Variants in PLBD1 observed in about 807,000 individuals in gnomAD.
PLBD1 encodes lysosomal leucine aminopeptidase.
Under a neutral mutation model 63.0 loss-of-function variants are expected in PLBD1, and 60 were observed. That is an observed-to-expected ratio of 0.95 (90% confidence interval 0.77 to 1.18). PLBD1 has a LOEUF of 1.18. Among genes scored for constraint, PLBD1 ranks in the 50% most tolerant of loss-of-function variants. PLBD1 has a pLI of 0.00. For synonymous variants in PLBD1, 262 were observed against 248.0 expected, an observed-to-expected ratio of 1.06 and a Z score of -0.53; for missense variants, 598 against 677.9, an observed-to-expected ratio of 0.88 and a Z score of 1.31.
chr12:14,540,043 T>C (rs1389261374), intron 4 of PLBD1, among the ~76,000 whole-genome samples: 73 of 59,542 alleles, frequency 1.2e-3, no homozygotes, highest in African/African-American at 3.5e-3. Context: ...TATATATATA[T>C]ATATATATAT....
intron 10 of PLBD1, among the ~76,000 whole-genome samples, chr12:14,505,169 C>G (rs1945243633): frequency 6.7e-6 from 1 of 148,584 alleles, no homozygotes; most frequent in Admixed American, 6.7e-5. Flanking sequence ...TTGCCTTCAT[C>G]ACATAGCTAA....
intron 6 of PLBD1, 83 bp from the exon 7 acceptor site, chr12:14,511,794 A>G (rs1171946026): frequency 2.2e-6 from 3 of 1,341,550 alleles, no homozygotes. Flanking sequence ...CTTTACATAC[A>G]CAATGCATTT....
At chr12:14,530,738 C>A in intron 6 of PLBD1, among the ~76,000 whole-genome samples, 1 of 152,334 alleles carries the variant, frequency 6.6e-6, no homozygotes, top group East Asian at 1.9e-4. Flanking sequence ...ATTGTATTGG[C>A]TGCCATTTCA....
rs369943757 is a variant in PLBD1 at position 14,535,706 on chromosome 12, A to G, written c.797T>C (p.Ile266Thr). 1 of 1,613,948 alleles carries G rather than the reference A, an allele frequency of 6.2e-7. No individual in the cohort carries two copies. Among genetic ancestry groups the G allele is most frequent in the Non-Finnish European group, 8.5e-7 (1 of 1,179,842 alleles). The change falls in exon 6 of 11, where the codon ATA becomes ACA. Residue 266 changes from isoleucine (I) to threonine (T), a missense_variant. By Grantham distance (89) the Ile-to-Thr change is moderately conservative. Transcript: ENST00000240617. ...GCGACTACTGCTGGTATCTTTATCT[A>G]TGACGTTGAAGTCCCAGTGTTTATA... ...RIYKHWDFNV[I>T]DKDTSSSRLS...
intron 6 of PLBD1, among the ~76,000 whole-genome samples, chr12:14,530,623 A>G (rs1285495135): frequency 6.6e-6 from 1 of 152,254 alleles, no homozygotes; most frequent in Non-Finnish European, 1.5e-5. Flanking sequence ...ACTGAAATAA[A>G]CAAATAGATT....
chr12:14,503,860 A>C lies in PLBD1; in HGVS notation c.1574T>G (p.Phe525Cys). 6.2e-7 allele frequency: 1 copy of C among 1,614,002 alleles called. No homozygotes were observed. Among genetic ancestry groups the C allele is most frequent in the Non-Finnish European group, 8.5e-7 (1 of 1,179,896 alleles). The change falls in exon 11 of 11, where the codon TTC becomes TGC. Residue 525 changes from phenylalanine to cysteine, a missense_variant. Transcript: ENST00000240617. ...GGLPVFRWDR[F>C]NKTLHQGMPE... ...CATGCCCTGATGTAGAGTTTTGTTGAAACGGTCCCAGCGAAAAACAGGGAG... is the reference window on the plus strand; with the variant it reads ...CATGCCCTGATGTAGAGTTTTGTTGCAACGGTCCCAGCGAAAAACAGGGAG...
chr12:14,511,378 C>G lies in PLBD1; in HGVS notation c.1068G>C (p.Met356Ile), dbSNP rs967347195. Residue 356 changes from methionine to isoleucine, a missense_variant, in exon 8 of 11, where the codon ATG (methionine) becomes ATC (isoleucine). By Grantham distance (10) the Met-to-Ile change is conservative. Transcript: ENST00000240617. ...YNSGTYNNQYMVLDLKKVKLN... is the reference protein window; with the variant it reads ...YNSGTYNNQYIVLDLKKVKLN... Reference sequence around the variant, plus strand: ...GCTTTACTTTCTTCAGGTCCAGAACCATGTATTGATTGTTATAGGTGCCTG... The same window carrying G: ...GCTTTACTTTCTTCAGGTCCAGAACGATGTATTGATTGTTATAGGTGCCTG... 1.2e-6 allele frequency: 2 copies of G among 1,613,706 alleles called. No homozygotes were observed.
At position 14,520,241 on chromosome 12, in the gene PLBD1, TAGGGGAAACCTTAGGATC is replaced by T. The variant is rs572043261; in HGVS notation, c.845-8548_845-8531del. ...AGAGCTGGAAAAGCAAATGGGAATA[TAGGGGAAACCTTAGGATC>T]AAGGAAATCACAAAGAGAGTTAGCT... On this transcript the variant is annotated intron_variant, in intron 6 of 10. Coordinates refer to ENST00000240617, the MANE Select transcript of PLBD1 (RefSeq NM_024829.6). 1.8e-3 allele frequency among the ~76,000 whole-genome samples: 276 copies of T among 152,300 alleles called. 5 individuals are homozygous for T. In the East Asian group the frequency reaches 0.033, roughly 18 times the overall value.
intron 6 of PLBD1, among the ~76,000 whole-genome samples, chr12:14,515,577 A>G (rs991893920): frequency 1.3e-5 from 2 of 152,114 alleles, no homozygotes; most frequent in African/African-American, 4.8e-5. Context: ...CAGCTTTATG[A>G]CCAAAGTACC....
At chr12:14,547,180 T>TTGTGTGTGTGTGTG (rs56182227) in intron 2 of PLBD1, among the ~76,000 whole-genome samples, 84 of 138,218 alleles carry the variant, frequency 6.1e-4, no homozygotes, top group East Asian at 1.8e-3. Flanking sequence ...GCACCTGGCT[T>TTGTGTGTGTGTGTG]TGTGTGTGTG....
At chr12:14,520,880 C>A (rs1945369611) in intron 6 of PLBD1, among the ~76,000 whole-genome samples, 2 of 152,162 alleles carry the variant, frequency 1.3e-5, no homozygotes, top group African/African-American at 4.8e-5. Flanking sequence ...TTCTAGGGAG[C>A]TGCCTGGCAT....
In PLBD1 at chr12:14,550,878, C is replaced by CA. The variant is rs778500118; in HGVS notation, c.335+2314dup. Reference sequence around the variant, plus strand: ...GGGCAGCAAGAGTGAAACTCCGTCTCAAAAAAAAAAAAAAATTATTTGAAT... The same window carrying CA: ...GGGCAGCAAGAGTGAAACTCCGTCTCAAAAAAAAAAAAAAAATTATTTGAAT... On this transcript the variant is annotated intron_variant, in intron 2 of 10. Transcript: ENST00000240617. Among the ~76,000 whole-genome samples, 928 of 115,094 alleles carry CA rather than the reference C, an allele frequency of 8.1e-3. 3 individuals are homozygous for CA. The highest frequency in any genetic ancestry group is 0.023 in the African/African-American group (725 of 31,398). The allele number at this position is 115,094 out of a possible 152,430, so 75.5% of individuals were successfully genotyped here.
chr12:14,525,794 A>G (rs1463434110), intron 6 of PLBD1, among the ~76,000 whole-genome samples: 2 of 152,188 alleles, frequency 1.3e-5, no homozygotes, highest in Non-Finnish European at 2.9e-5. Flanking sequence ...TGGTGTATTT[A>G]TAACATATAT....
intron 8 of PLBD1, among the ~76,000 whole-genome samples, chr12:14,508,804 T>G (rs1478017250): frequency 6.6e-6 from 1 of 152,108 alleles, no homozygotes; most frequent in Non-Finnish European, 1.5e-5. Context: ...GCTTGTTTAA[T>G]CTCACAAAAA....
intron 1 of PLBD1, chr12:14,553,918 AC>A (rs1945680523): frequency 6.0e-6 from 1 of 166,926 alleles, no homozygotes; most frequent in East Asian, 1.7e-4. Context: ...AGCCAAATCA[AC>A]CCTGGTGGTC....
intron 6 of PLBD1, among the ~76,000 whole-genome samples, chr12:14,514,184 A>G (rs754874048): frequency 6.6e-6 from 1 of 152,104 alleles, no homozygotes; most frequent in East Asian, 1.9e-4. Flanking sequence ...GTTTAACAGT[A>G]CTCTTGAATG....
intron 1 of PLBD1, among the ~76,000 whole-genome samples, chr12:14,555,913 A>C (rs577217248): frequency 6.6e-6 from 1 of 152,310 alleles, no homozygotes; most frequent in Non-Finnish European, 1.5e-5. Flanking sequence ...CCTAGACTAG[A>C]AGCTCCCTGA....
chr12:14,564,314 T>C (rs1945764643), intron 1 of PLBD1, among the ~76,000 whole-genome samples: 1 of 152,156 alleles, frequency 6.6e-6, no homozygotes, highest in South Asian at 2.1e-4. Flanking sequence ...TTCCAGGATA[T>C]TAAACTTTTT....
intron 6 of PLBD1, among the ~76,000 whole-genome samples, chr12:14,528,149 A>T (rs944183025): frequency 3.3e-5 from 5 of 152,158 alleles, no homozygotes; most frequent in African/African-American, 1.2e-4. Context: ...GGAGGTATAA[A>T]TATTTCTTTT....
Sources: allele counts gnomAD v4.1 joint callset (sites outside exome capture counted in the v4.1 genomes callset), GRCh38; gene constraint gnomAD v4.1.1; transcripts MANE v1.5; gene names NCBI Gene and HGNC (gene_info 2026-07-23, HGNC 2026-07-21).